RGS6: variants seen among roughly 807,000 people sequenced by gnomAD.
RGS6 encodes the protein regulator of G-protein signaling 6.
In RGS6, 30 loss-of-function variants were observed where a neutral mutation model predicts 78.5. The observed-to-expected ratio is 0.38, with a 90% CI of 0.29 to 0.52. RGS6 has a LOEUF of 0.52. RGS6 is among the 20% of genes least tolerant of loss of function. The pLI, the probability that RGS6 is intolerant of heterozygous loss-of-function variation, is 0.85. For missense variants in RGS6, 495 were observed against 609.7 expected, an observed-to-expected ratio of 0.81 and a Z score of 1.98; for synonymous variants, 206 against 206.0, an observed-to-expected ratio of 1.00 and a Z score of 0.00.
the RGS6 span, among the ~76,000 whole-genome samples, chr14:72,604,536 G>A: frequency 3.9e-5 from 6 of 152,176 alleles, no homozygotes; most frequent in Non-Finnish European, 7.3e-5. Context: ...TTCTAAAGTT[G>A]CTGTCAAGTT....
In RGS6 at chr14:72,563,347, G is replaced by A. The variant is rs542857447; in HGVS notation, c.*880G>A. On this transcript the variant is annotated 3_prime_UTR_variant, in exon 18 of 18. Transcript: ENST00000553525. ...AAATAAACATGGCCATGAACTCAGG[G>A]GCCATTGGGATTCTCCCCTCTGGCA... 6.5e-6 allele frequency: 1 copy of A among 153,138 alleles called. No individual in the cohort carries two copies. The highest frequency in any genetic ancestry group is 1.9e-4 in the East Asian group (1 of 5,220). The allele number at this position is 153,138 out of a possible 1,614,324, so 9.5% of individuals were successfully genotyped here. A position where few individuals can be genotyped will look rare whatever the true frequency, so the allele number is the denominator to read the frequency against.
intron 2 of RGS6, among the ~76,000 whole-genome samples, chr14:72,179,859 C>T (rs2097152296): frequency 6.6e-6 from 1 of 152,096 alleles, no homozygotes; most frequent in African/African-American, 2.4e-5. Flanking sequence ...GAGGTGGGTC[C>T]AGCAATCAGT....
intron 2 of RGS6, among the ~76,000 whole-genome samples, chr14:72,224,872 G>C (rs750327947): frequency 6.6e-6 from 1 of 152,186 alleles, no homozygotes; most frequent in Non-Finnish European, 1.5e-5. Flanking sequence ...GCCATAGCAA[G>C]CAGGGAAAGG....
chr14:72,369,369 T>A (rs7149872), intron 3 of RGS6, among the ~76,000 whole-genome samples: 89,017 of 152,086 alleles, frequency 0.59, 28,066 homozygotes, highest in African/African-American at 0.83. Flanking sequence ...GGCCCTGCCA[T>A]CACCTTGATT....
At chr14:72,174,731 A>G (rs1414136111) in intron 2 of RGS6, among the ~76,000 whole-genome samples, 1 of 152,146 alleles carries the variant, frequency 6.6e-6, no homozygotes, top group East Asian at 1.9e-4. Context: ...GACTTGGTGC[A>G]GGGATATGGC....
intron 2 of RGS6, among the ~76,000 whole-genome samples, chr14:72,139,335 G>T (rs1323443197): frequency 2.0e-5 from 3 of 152,134 alleles, no homozygotes; most frequent in Non-Finnish European, 2.9e-5. Flanking sequence ...GGCCTTTTCT[G>T]CTTTAGGTAG....
intron 3 of RGS6, among the ~76,000 whole-genome samples, chr14:72,431,521 T>TTTTG (rs2094635080): frequency 1.5e-5 from 2 of 129,880 alleles, no homozygotes; most frequent in Admixed American, 8.8e-5. Context: ...CTTTATTTTG[T>TTTTG]TTTATTTATT....
intron 2 of RGS6, among the ~76,000 whole-genome samples, chr14:72,310,738 T>A (rs2068402052): frequency 6.6e-6 from 1 of 152,146 alleles, no homozygotes; most frequent in Non-Finnish European, 1.5e-5. Flanking sequence ...CTTACACACA[T>A]GGAGCTCCTT....
chr14:72,597,148 A>C, the RGS6 span, among the ~76,000 whole-genome samples: 1 of 152,110 alleles, frequency 6.6e-6, no homozygotes, highest in African/African-American at 2.4e-5. Context: ...CTGAGGCAGG[A>C]GAATCACTTG....
intron 3 of RGS6, among the ~76,000 whole-genome samples, chr14:72,450,003 TTTTTCTAG>T (rs2095453713): frequency 6.6e-6 from 1 of 152,218 alleles, no homozygotes; most frequent in African/African-American, 2.4e-5. Context: ...TAAAAACTTA[TTTTTCTAG>T]TGTAAAAGTA....
chr14:72,383,177 C>CATATATATATATATATATATAT (rs35175623), intron 3 of RGS6, among the ~76,000 whole-genome samples: 1 of 71,030 alleles, frequency 1.4e-5, no homozygotes, highest in Non-Finnish European at 2.9e-5. Context: ...AAAAATTGTA[C>CATATATATATATATATATATAT]ATATATATAT....
intron 2 of RGS6, among the ~76,000 whole-genome samples, chr14:72,287,588 C>A (rs891098123): frequency 1.3e-5 from 2 of 152,156 alleles, no homozygotes; most frequent in African/African-American, 4.8e-5. Context: ...TCCCAAGTAG[C>A]TGGGACTATA....
intron 2 of RGS6, among the ~76,000 whole-genome samples, chr14:72,139,942 C>T (rs984971043): frequency 5.9e-5 from 9 of 152,078 alleles, no homozygotes; most frequent in Admixed American, 5.2e-4. Context: ...CCACTTGACT[C>T]TCAGTTATTT....
chr14:72,539,076 G>A (rs529602841), intron 16 of RGS6, among the ~76,000 whole-genome samples: 1 of 152,348 alleles, frequency 6.6e-6, no homozygotes, highest in African/African-American at 2.4e-5. Context: ...ACACTAGCAG[G>A]TATTTGAGCG....
chr14:72,176,572 C>A (rs927747065), intron 2 of RGS6, among the ~76,000 whole-genome samples: 1 of 152,206 alleles, frequency 6.6e-6, no homozygotes, highest in Non-Finnish European at 1.5e-5. Flanking sequence ...AATCCCCTTA[C>A]AAAGAGCCAA....
At chr14:72,511,558 G>A (rs72726168) in intron 14 of RGS6, 1 of 152,350 alleles carries the variant, frequency 6.6e-6, no homozygotes, top group Non-Finnish European at 1.5e-5. Context: ...TAAACTCTAA[G>A]AACCATTTCG....
intron 3 of RGS6, among the ~76,000 whole-genome samples, chr14:72,377,807 G>A (rs993124139): frequency 1.2e-4 from 19 of 152,102 alleles, no homozygotes; most frequent in African/African-American, 4.3e-4. Flanking sequence ...GTGAGGCTTT[G>A]TCTCTACAAA....
chr14:72,361,577 G>C (rs1431685243), intron 3 of RGS6, among the ~76,000 whole-genome samples: 1 of 152,162 alleles, frequency 6.6e-6, no homozygotes, highest in Non-Finnish European at 1.5e-5. Flanking sequence ...ATAACCATAG[G>C]AACAAGGCAT....
chr14:71,940,225 G>A (rs998301135), intron 1 of RGS6, among the ~76,000 whole-genome samples: 2 of 152,150 alleles, frequency 1.3e-5, no homozygotes, highest in African/African-American at 4.8e-5. Context: ...TTCCTTTCCC[G>A]AGTGCAGTTA....
Sources: allele counts gnomAD v4.1 joint callset (sites outside exome capture counted in the v4.1 genomes callset), GRCh38; gene constraint gnomAD v4.1.1; transcripts MANE v1.5; gene names NCBI Gene and HGNC (gene_info 2026-07-23, HGNC 2026-07-21).